SBF2: variants seen among roughly 807,000 people sequenced by gnomAD.
SBF2 encodes the protein myotubularin-related protein 13.
Under a neutral mutation model 225.2 loss-of-function variants are expected in SBF2, and 112 were observed. The observed-to-expected ratio is 0.50, with a 90% CI of 0.43 to 0.58. SBF2 has a LOEUF of 0.58. Ranked by LOEUF, SBF2 falls within the 20% of genes least tolerant of loss-of-function variation. The pLI, the probability that SBF2 is intolerant of heterozygous loss-of-function variation, is 0.00. For synonymous variants in SBF2, 763 were observed against 773.3 expected, an observed-to-expected ratio of 0.99 and a Z score of 0.22; for missense variants, 1,996 against 2,206.2, an observed-to-expected ratio of 0.90 and a Z score of 1.91.
chr11:9,889,926 CGG>C (rs1860655814), intron 17 of SBF2, among the ~76,000 whole-genome samples: 5 of 151,998 alleles, frequency 3.3e-5, no homozygotes, highest in Non-Finnish European at 2.9e-5. Flanking sequence ...ATTTTTGAGA[CGG>C]AGTCTCACTT....
intron 2 of SBF2, among the ~76,000 whole-genome samples, chr11:10,185,618 C>CT (rs202109502): frequency 0.31 from 42,137 of 137,042 alleles, 7,471 homozygotes; most frequent in Non-Finnish European, 0.42. Flanking sequence ...CTGTGCTTGG[C>CT]TTTTTTTTTT....
chr11:9,918,849 C>A (rs1446494060), intron 16 of SBF2, among the ~76,000 whole-genome samples: 1 of 152,044 alleles, frequency 6.6e-6, no homozygotes, highest in East Asian at 1.9e-4. Context: ...CGCCATTCTC[C>A]TGCCTCAGCC....
intron 13 of SBF2, among the ~76,000 whole-genome samples, chr11:9,973,920 T>C (rs1946563901): frequency 6.6e-6 from 1 of 152,226 alleles, no homozygotes; most frequent in Admixed American, 6.5e-5. Flanking sequence ...CCCAGATTAA[T>C]TCAAGTATTT....
intron 1 of SBF2, among the ~76,000 whole-genome samples, chr11:10,261,452 C>A (rs1042343757): frequency 4.6e-5 from 7 of 152,306 alleles, no homozygotes; most frequent in African/African-American, 1.7e-4. Flanking sequence ...ATCTGCCCAC[C>A]TTGGCCCCCC....
At chr11:10,236,337 A>G (rs562535220) in intron 1 of SBF2, among the ~76,000 whole-genome samples, 1 of 152,244 alleles carries the variant, frequency 6.6e-6, no homozygotes, top group Admixed American at 6.5e-5. Context: ...TAGTATGCAT[A>G]TGCAGTCCCA....
intron 1 of SBF2, among the ~76,000 whole-genome samples, chr11:10,276,278 ATTTTC>A (rs1212436006): frequency 3.3e-5 from 5 of 152,132 alleles, no homozygotes; most frequent in African/African-American, 1.2e-4. Flanking sequence ...CAAGTTTTAA[ATTTTC>A]TTTTATTTAT....
chr11:10,055,056 C>A (rs1313856397), intron 2 of SBF2, among the ~76,000 whole-genome samples: 1 of 152,026 alleles, frequency 6.6e-6, no homozygotes, highest in African/African-American at 2.4e-5. Context: ...CGTGCACCAC[C>A]ATGCCTGGTT....
chr11:9,891,105 C>A (rs1860771493), intron 17 of SBF2, among the ~76,000 whole-genome samples: 1 of 151,076 alleles, frequency 6.6e-6, no homozygotes, highest in Admixed American at 6.6e-5. Flanking sequence ...CACTGCACTC[C>A]AGCCTGGGCG....
chr11:10,273,863 T>C (rs752038520), intron 1 of SBF2, among the ~76,000 whole-genome samples: 13 of 152,294 alleles, frequency 8.5e-5, no homozygotes, highest in Non-Finnish European at 1.8e-4. Context: ...CTTGCCACCA[T>C]CTAGGGCCTA....
intron 16 of SBF2, chr11:9,957,325 T>A (rs1440222054): frequency 6.6e-6 from 1 of 152,254 alleles, no homozygotes; most frequent in Non-Finnish European, 1.5e-5. Flanking sequence ...ACCACTTCCC[T>A]CACTCCTTAC....
intron 17 of SBF2, among the ~76,000 whole-genome samples, chr11:9,895,463 A>T (rs1028300490): frequency 7.7e-6 from 1 of 130,016 alleles, no homozygotes; most frequent in Non-Finnish European, 1.8e-5. Flanking sequence ...ACAGAATTTT[A>T]AAAAATCACT....
At chr11:10,017,972 ATGTC>A (rs1345141022) in intron 6 of SBF2, among the ~76,000 whole-genome samples, 3 of 152,054 alleles carry the variant, frequency 2.0e-5, no homozygotes. Context: ...TTCCTAGACT[ATGTC>A]TGTTCTGCTT....
intron 2 of SBF2, among the ~76,000 whole-genome samples, chr11:10,099,694 TAAC>T (rs1952193487): frequency 6.6e-6 from 1 of 152,180 alleles, no homozygotes; most frequent in Admixed American, 6.5e-5. Context: ...GTGACATCGA[TAAC>T]AAACTGTTGG....
At chr11:10,019,141 A>G (rs1304179352) in intron 6 of SBF2, among the ~76,000 whole-genome samples, 1 of 152,190 alleles carries the variant, frequency 6.6e-6, no homozygotes, top group East Asian at 1.9e-4. Flanking sequence ...CTAACTCAGG[A>G]GCTGGCACAT....
intron 2 of SBF2, among the ~76,000 whole-genome samples, chr11:10,089,872 G>A (rs1338366319): frequency 1.3e-5 from 2 of 152,130 alleles, no homozygotes; most frequent in Non-Finnish European, 2.9e-5. Flanking sequence ...TAAAAACTCA[G>A]TGAGTATACC....
chr11:9,919,838 T>G (rs1863455550), intron 16 of SBF2, among the ~76,000 whole-genome samples: 1 of 151,966 alleles, frequency 6.6e-6, no homozygotes, highest in Admixed American at 6.6e-5. Flanking sequence ...TTCAAGTAAT[T>G]CTCCTGCCTC....
intron 16 of SBF2, among the ~76,000 whole-genome samples, chr11:9,930,482 G>A (rs540199999): frequency 5.3e-5 from 8 of 152,328 alleles, no homozygotes; most frequent in African/African-American, 1.4e-4. Context: ...GTGTTGAGAA[G>A]AGGGGAGAGT....
chr11:10,072,721 C>CTTTTTTTTTTTTTTTTTTTTTTTTT (rs760663007), intron 2 of SBF2, among the ~76,000 whole-genome samples: 1 of 130,692 alleles, frequency 7.7e-6, no homozygotes. Context: ...CCAGTGGAAT[C>CTTTTTTTTTTTTTTTTTTTTTTTTT]TTTTTTTTTT....
chr11:10,049,795 G>T (rs1949998227), intron 2 of SBF2, among the ~76,000 whole-genome samples: 1 of 152,122 alleles, frequency 6.6e-6, no homozygotes, highest in Non-Finnish European at 1.5e-5. Context: ...TTGGGTAGCA[G>T]AACGGTATAA....
Sources: gnomAD v4.1 joint callset for allele counts (sites outside exome capture counted in the v4.1 genomes callset) on GRCh38, gnomAD v4.1.1 for gene constraint, MANE v1.5 for transcripts, NCBI Gene and HGNC (gene_info 2026-07-23, HGNC 2026-07-21) for gene names.